The following DDIAS variants were observed in gnomAD, a reference collection of about 807,000 sequenced individuals.
The protein encoded by DDIAS is DNA damage induced apoptosis suppressor.
In DDIAS, 14 loss-of-function variants were observed where a neutral mutation model predicts 15.7. That is an observed-to-expected ratio of 0.89 (90% CI 0.59 to 1.39). The LOEUF is 1.39. Ranked by LOEUF, DDIAS falls within the 40% of genes most tolerant of loss-of-function variation. The pLI is 0.00. For synonymous variants in DDIAS, 355 were observed against 395.9 expected, an observed-to-expected ratio of 0.90 and a Z score of 1.23; for missense variants, 1,035 against 1,130.9, an observed-to-expected ratio of 0.92 and a Z score of 1.22.
intron 3 of DDIAS, among the ~76,000 whole-genome samples, chr11:82,918,379 G>C (rs182394072): frequency 4.1e-4 from 63 of 152,314 alleles, no homozygotes; most frequent in African/African-American, 1.4e-3. Context: ...TCAAAGATCA[G>C]TTGGCTGTAA....
At chr11:82,925,589 C>T (rs376802972) in intron 3 of DDIAS, among the ~76,000 whole-genome samples, 1 of 152,048 alleles carries the variant, frequency 6.6e-6, no homozygotes, top group Non-Finnish European at 1.5e-5. Flanking sequence ...CAGAATGAGA[C>T]CCTGTCTGAA....
chr11:82,926,403 T>C (rs1278840281), intron 3 of DDIAS, among the ~76,000 whole-genome samples: 2 of 152,080 alleles, frequency 1.3e-5, no homozygotes, highest in Non-Finnish European at 2.9e-5. Context: ...TAAATATTTT[T>C]GAATAAAAAA....
At chr11:82,914,894 C>T in intron 3 of DDIAS, 43 bp downstream of exon 3, 1 of 1,306,254 alleles carries the variant, frequency 7.7e-7, no homozygotes, top group Non-Finnish European at 1.1e-6. Context: ...AATACAAATG[C>T]ACACTGTAGA....
intron 3 of DDIAS, among the ~76,000 whole-genome samples, chr11:82,922,129 A>G (rs1292028444): frequency 2.0e-5 from 3 of 152,134 alleles, no homozygotes; most frequent in Non-Finnish European, 4.4e-5. Context: ...CTTCTGTCTC[A>G]CAACTCTTAA....
At chr11:82,914,476 A>G (rs1048013579) in intron 2 of DDIAS, among the ~76,000 whole-genome samples, 1 of 152,226 alleles carries the variant, frequency 6.6e-6, no homozygotes, top group Non-Finnish European at 1.5e-5. Context: ...GGGATAGAGC[A>G]TTTATTAAGA....
chr11:82,926,981 TATC>T (rs1467033737), intron 3 of DDIAS, among the ~76,000 whole-genome samples: 9 of 152,244 alleles, frequency 5.9e-5, no homozygotes, highest in Non-Finnish European at 1.0e-4. Flanking sequence ...GTCCCACTGT[TATC>T]ATATCATAAT....
rs748202213 is a variant in DDIAS, at chr11:82,928,728, GA to G, written c.114-44del. The G allele has an allele frequency of 3.2e-6, 5 of 1,581,780 alleles. No homozygotes were observed. In the African/African-American group the frequency reaches 6.8e-5, roughly 22 times the overall value. On this transcript the variant is annotated intron_variant, in intron 3 of 5. Coordinates refer to ENST00000533655, the MANE Select transcript of DDIAS (RefSeq NM_145018.4). ...TACTGTTCTGGATTTTTCATCATATGAAAAACATTTAATGAACATCTCCACA... is the reference window on the plus strand; with the variant it reads ...TACTGTTCTGGATTTTTCATCATATGAAAACATTTAATGAACATCTCCACA...
intron 1 of DDIAS, among the ~76,000 whole-genome samples, chr11:82,909,992 A>G (rs148238985): frequency 1.3e-5 from 2 of 152,274 alleles, no homozygotes; most frequent in East Asian, 3.9e-4. Context: ...TCTCCCTTCC[A>G]TAGTCACCAC....
intron 1 of DDIAS, among the ~76,000 whole-genome samples, chr11:82,904,611 C>T (rs1860389243): frequency 6.6e-6 from 1 of 152,204 alleles, no homozygotes. Context: ...TGGCCATTAC[C>T]TGGGAACTTA....
At chr11:82,906,800 G>C (rs926579683) in intron 1 of DDIAS, among the ~76,000 whole-genome samples, 54 of 152,158 alleles carry the variant, frequency 3.5e-4, no homozygotes, top group African/African-American at 1.2e-3. Flanking sequence ...AAACTAGGCT[G>C]TGTACTTCGT....
At chr11:82,919,354 C>G (rs1190330130) in intron 3 of DDIAS, among the ~76,000 whole-genome samples, 5 of 152,188 alleles carry the variant, frequency 3.3e-5, no homozygotes, top group African/African-American at 4.8e-5. Flanking sequence ...TTGAGATGAT[C>G]ATGTGATTTT....
chr11:82,903,883 A>C (rs1311563935), intron 1 of DDIAS, among the ~76,000 whole-genome samples: 1 of 152,250 alleles, frequency 6.6e-6, no homozygotes, highest in Non-Finnish European at 1.5e-5. Context: ...AGGGAGAAAA[A>C]TTAGTCATAC....
chr11:82,930,421 G>A lies in DDIAS; in HGVS notation c.393+147G>A, dbSNP rs1042930188. ...ACTATGTAAAAATAGCCTATAGGTG[G>A]TCTGTTAAAACACCATGTGTGACAA... On this transcript the variant is annotated intron_variant, in intron 5 of 5. Transcript: ENST00000533655. 10 of 571,370 alleles carry A rather than the reference G, an allele frequency of 1.8e-5. 1 individual carries two copies. The South Asian group carries it at 2.8e-4, about 16-fold the overall frequency. 35.4% of individuals were successfully genotyped at this position (571,370 alleles called of 1,614,324 possible).
At position 82,932,894 on chromosome 11, in the gene DDIAS, C is replaced by T. The variant is rs1194011165; in HGVS notation, c.1556C>T (p.Ala519Val). Reference sequence around the variant, plus strand: ...TCACAACCAGATAACAAAGTAGAGGCTGTCTCTGTAAATCATAATGGAAGA... The same window carrying T: ...TCACAACCAGATAACAAAGTAGAGGTTGTCTCTGTAAATCATAATGGAAGA... ...KESQPDNKVE[A>V]VSVNHNGRDM... Residue 519 changes from alanine (A) to valine (V), a missense_variant, in exon 6 of 6, where the codon GCT becomes GTT. Transcript: ENST00000533655. The T allele has an allele frequency of 8.7e-6, 14 of 1,612,866 alleles. No homozygotes were observed. The highest frequency in any genetic ancestry group is 1.1e-5 in the Non-Finnish European group (13 of 1,179,492).
chr11:82,930,584 A>C (rs1327316843), intron 5 of DDIAS, among the ~76,000 whole-genome samples: 1 of 152,062 alleles, frequency 6.6e-6, no homozygotes, highest in Non-Finnish European at 1.5e-5. Context: ...TTTTGTTCAA[A>C]TTCTATAGTA....
rs144489743 is a variant in DDIAS at position 82,932,890 on chromosome 11, G to A, written c.1552G>A (p.Glu518Lys). The part of the protein sequence containing the change: ...EKESQPDNKV[E>K]AVSVNHNGRD... ...GGAGTCACAACCAGATAACAAAGTA[G>A]AGGCTGTCTCTGTAAATCATAATGG... is the stretch of plus-strand genomic sequence containing the variant. Residue 518 changes from glutamate to lysine, a missense_variant, in exon 6 of 6, where the codon GAG (glutamate) becomes AAG (lysine). By Grantham distance (56) the Glu-to-Lys change is moderately conservative. Transcript: ENST00000533655. 1.2e-6 allele frequency: 2 copies of A among 1,613,116 alleles called. No individual in the cohort carries two copies. Among genetic ancestry groups the A allele is most frequent in the South Asian group, 2.2e-5 (2 of 90,996 alleles).
At chr11:82,930,310 A>T (rs371943366) in intron 5 of DDIAS, 36 bp downstream of exon 5, 179 of 1,363,364 alleles carry the variant, frequency 1.3e-4, no homozygotes, top group Non-Finnish European at 1.8e-4. Context: ...ATAATCTGTT[A>T]ACATTTCCAT....
Position 82,932,096 on chromosome 11 carries a change from C to G in DDIAS, c.758C>G (p.Thr253Arg). The change falls in exon 6 of 6, where the codon ACA becomes AGA. Residue 253 changes from threonine to arginine, a missense_variant. By Grantham distance (71) the Thr-to-Arg change is moderately conservative. Transcript: ENST00000533655. Reference protein sequence around the residue: ...LEFTCIVSQLTDNDDFSASEQ... With the variant: ...LEFTCIVSQLRDNDDFSASEQ... Reference sequence around the variant, plus strand: ...TTCACTTGCATTGTTTCACAACTAACAGATAATGATGATTTTTCAGCTTCA... The same window carrying G: ...TTCACTTGCATTGTTTCACAACTAAGAGATAATGATGATTTTTCAGCTTCA... The G allele has an allele frequency of 6.2e-7, 1 of 1,614,118 alleles. No homozygotes were observed. The highest frequency in any genetic ancestry group is 8.5e-7 in the Non-Finnish European group (1 of 1,180,008).
intron 3 of DDIAS, among the ~76,000 whole-genome samples, chr11:82,918,066 T>G (rs1860666907): frequency 6.6e-6 from 1 of 152,256 alleles, no homozygotes; most frequent in South Asian, 2.1e-4. Flanking sequence ...TGTGAAGATT[T>G]TCTTCCACTC....
Sources: allele counts gnomAD v4.1 joint callset (sites outside exome capture counted in the v4.1 genomes callset), GRCh38; gene constraint gnomAD v4.1.1; transcripts MANE v1.5; gene names NCBI Gene and HGNC (gene_info 2026-07-23, HGNC 2026-07-21).